The following RNMT variants were observed in gnomAD, a reference collection of about 807,000 sequenced individuals.
The protein encoded by RNMT is mRNA cap guanine-N(7) methyltransferase.
RNMT carries 27 observed loss-of-function variants against 56.0 expected under a neutral mutation model. The ratio of observed to expected loss-of-function variants is 0.48; its 90% CI spans 0.36 to 0.67. The LOEUF (loss-of-function observed/expected upper bound fraction) is 0.67, where lower values mean the gene tolerates loss of function less well. Among genes scored for constraint, RNMT ranks in the 30% least tolerant of loss-of-function variants. The pLI, the probability that RNMT is intolerant of heterozygous loss-of-function variation, is 0.00. For missense variants in RNMT, 519 were observed against 552.1 expected, an observed-to-expected ratio of 0.94 and a Z score of 0.60; for synonymous variants, 184 against 176.2, an observed-to-expected ratio of 1.04 and a Z score of -0.35.
In RNMT at chr18:13,737,001, CTCTT is replaced by C. The variant is rs2044169403; in HGVS notation, c.554-7_554-4del. On this transcript the variant is annotated splice_region_variant and splice_polypyrimidine_tract_variant and intron_variant, in intron 4 of 11. Coordinates refer to ENST00000383314, the MANE Select transcript of RNMT (RefSeq NM_003799.3). ...AGGTAGTTTATTGTGACTGATTTCTCTCTTTTAGGAGAATTTTTGGAAAAGGTAC... is the reference window on the plus strand; with the variant it reads ...AGGTAGTTTATTGTGACTGATTTCTCTTAGGAGAATTTTTGGAAAAGGTAC... The C allele has an allele frequency of 6.2e-7, 1 of 1,609,708 alleles. No homozygotes were observed. Among genetic ancestry groups the C allele is most frequent in the African/African-American group, 1.3e-5 (1 of 74,802 alleles).
Position 13,752,412 on chromosome 18 carries a change from A to G in RNMT, c.1344A>G (p.Gln448=). The change falls in exon 10 of 12, where the codon CAA becomes CAG. Residue 448 remains glutamine, a synonymous_variant. Transcript: ENST00000383314. ...EHAAKYMKNS[Q]VRLPLGTLSK... is the part of the protein sequence containing the mutation. ...CAGCAAAGTACATGAAGAACAGTCAAGTAAGGTTACCTTTGGTAAGTTTTA... is the reference window on the plus strand; with the variant it reads ...CAGCAAAGTACATGAAGAACAGTCAGGTAAGGTTACCTTTGGTAAGTTTTA... 3 of 1,605,572 alleles carry G rather than the reference A, an allele frequency of 1.9e-6. No homozygotes were observed. Among genetic ancestry groups the G allele is most frequent in the Non-Finnish European group, 2.6e-6 (3 of 1,172,526 alleles).
chr18:13,761,014 A>G lies in RNMT; in HGVS notation c.*1035A>G. The G allele has an allele frequency of 1.0e-6, 1 of 985,356 alleles. No homozygotes were observed. Among genetic ancestry groups the G allele is most frequent in the South Asian group, 4.7e-5 (1 of 21,282 alleles). 61.0% of individuals were successfully genotyped at this position (985,356 alleles called of 1,614,324 possible). ...GGAAAACTTACCAGTTTTTAGATGT[A>G]GATGTAGTGAAAAACTTCAAGAATG... On this transcript the variant is annotated 3_prime_UTR_variant, in exon 12 of 12. Transcript: ENST00000383314.
rs753507842 is a variant in RNMT at position 13,741,655 on chromosome 18, A to C, written c.938A>C (p.Tyr313Ser). The C allele has an allele frequency of 1.9e-6, 3 of 1,613,514 alleles. No homozygotes were observed. The highest frequency in any genetic ancestry group is 1.1e-5 in the South Asian group (1 of 90,974). ...TGTGAGAGACTTAGCCCTGGGGGCTATTTTATTGGTACTACTCCCAATAGC... is the reference window on the plus strand; with the variant it reads ...TGTGAGAGACTTAGCCCTGGGGGCTCTTTTATTGGTACTACTCCCAATAGC... ...NACERLSPGG[Y>S]FIGTTPNSFE... Residue 313 changes from tyrosine (Y) to serine (S), a missense_variant, in exon 7 of 12, where the codon TAT (tyrosine) becomes TCT (serine). Transcript: ENST00000383314.
chr18:13,728,550 G>C (rs984175218), intron 1 of RNMT, among the ~76,000 whole-genome samples: 1 of 151,902 alleles, frequency 6.6e-6, no homozygotes, highest in Admixed American at 6.6e-5. Context: ...TGGCCAGGCT[G>C]GTCTAGAACT....
At chr18:13,744,439 G>C (rs2044319023) in intron 8 of RNMT, among the ~76,000 whole-genome samples, 2 of 151,112 alleles carry the variant, frequency 1.3e-5, no homozygotes, top group African/African-American at 2.4e-5. Flanking sequence ...TTTCTAAAGG[G>C]TTATTTTAGA....
At chr18:13,757,514 C>A (rs1168255131) in intron 11 of RNMT, among the ~76,000 whole-genome samples, 1 of 152,178 alleles carries the variant, frequency 6.6e-6, no homozygotes, top group Non-Finnish European at 1.5e-5. Flanking sequence ...TAGATTCTAT[C>A]TCAAGCTCAT....
chr18:13,750,782 C>G (rs1002698199), intron 9 of RNMT, among the ~76,000 whole-genome samples: 4 of 151,390 alleles, frequency 2.6e-5, no homozygotes, highest in African/African-American at 9.7e-5. Flanking sequence ...GCCTGGGAGA[C>G]AGAGCAAGAC....
chr18:13,736,313 A>T (rs1365223331), intron 4 of RNMT, among the ~76,000 whole-genome samples: 1 of 152,188 alleles, frequency 6.6e-6, no homozygotes, highest in Non-Finnish European at 1.5e-5. Flanking sequence ...GTATTGTATC[A>T]AGTTTTAGAA....
In RNMT at chr18:13,760,206, T is replaced by C. The variant is rs997673311; in HGVS notation, c.*227T>C. On this transcript the variant is annotated 3_prime_UTR_variant, in exon 12 of 12. Transcript: ENST00000383314. ...ACCTCTGTCTTTAAAAATCTATTTTTAGGTAATGTTCTAAGAATTCCATTT... is the reference window on the plus strand; with the variant it reads ...ACCTCTGTCTTTAAAAATCTATTTTCAGGTAATGTTCTAAGAATTCCATTT... 1.6e-6 allele frequency: 2 copies of C among 1,243,978 alleles called. No individual in the cohort carries two copies. Among genetic ancestry groups the C allele is most frequent in the African/African-American group, 3.1e-5 (2 of 65,006 alleles). The allele number at this position is 1,243,978 out of a possible 1,614,324, so 77.1% of individuals were successfully genotyped here. A position where few individuals can be genotyped will look rare whatever the true frequency, so the allele number is the denominator to read the frequency against.
chr18:13,754,484 G>T (rs2044509927), intron 11 of RNMT, among the ~76,000 whole-genome samples: 1 of 152,074 alleles, frequency 6.6e-6, no homozygotes, highest in Admixed American at 6.5e-5. Context: ...TCCAGTCTGG[G>T]CAACACAGCG....
intron 8 of RNMT, among the ~76,000 whole-genome samples, chr18:13,744,751 G>A (rs981921711): frequency 1.3e-5 from 2 of 152,046 alleles, no homozygotes; most frequent in African/African-American, 4.8e-5. Context: ...CCCCTCAAAT[G>A]CCACCCTGTA....
intron 6 of RNMT, 39 bp from the exon 7 acceptor site, chr18:13,741,471 A>T (rs1336637288): frequency 6.9e-7 from 1 of 1,447,732 alleles, no homozygotes; most frequent in Non-Finnish European, 9.6e-7. Context: ...TCTTTGTTGT[A>T]GTTACCTCAC....
rs3819131 is a variant in RNMT at position 13,734,905 on chromosome 18, C to G, written c.553+306C>G. Among the ~76,000 whole-genome samples the G allele has an allele frequency of 1.1e-4, 17 of 151,994 alleles. No individual in the cohort carries two copies. In the East Asian group the frequency reaches 2.9e-3, roughly 26 times the overall value. ...GTTAAACATTCAGGTTTCATTAAGT[C>G]AAGAAATAGGCAGTGTCTTGATTTG... is the stretch of plus-strand genomic sequence containing the variant. On this transcript the variant is annotated intron_variant, in intron 4 of 11. Transcript: ENST00000383314.
intron 5 of RNMT, 106 bp downstream of exon 5, chr18:13,737,241 GTT>G: frequency 9.6e-7 from 1 of 1,042,886 alleles, no homozygotes; most frequent in Non-Finnish European, 1.4e-6. Context: ...CATGAGATGG[GTT>G]TTTTTTAAAT....
intron 4 of RNMT, among the ~76,000 whole-genome samples, chr18:13,736,025 T>C (rs1046873067): frequency 6.6e-6 from 1 of 152,230 alleles, no homozygotes; most frequent in Admixed American, 6.5e-5. Flanking sequence ...TAAAGGCTTT[T>C]TTGAAATTGT....
intron 8 of RNMT, 75 bp downstream of exon 8, chr18:13,742,727 T>G: frequency 8.9e-7 from 1 of 1,129,924 alleles, no homozygotes; most frequent in South Asian, 1.5e-5. Flanking sequence ...GCAATATTTA[T>G]TTTACTCTTT....
chr18:13,751,327 C>G (rs986429225), intron 9 of RNMT, among the ~76,000 whole-genome samples: 2 of 152,198 alleles, frequency 1.3e-5, no homozygotes, highest in Non-Finnish European at 2.9e-5. Flanking sequence ...AGACACTTCT[C>G]AAAACACGAC....
intron 6 of RNMT, 147 bp downstream of exon 6, chr18:13,740,426 A>G: frequency 7.0e-6 from 4 of 572,664 alleles, no homozygotes; most frequent in Non-Finnish European, 1.2e-5. Flanking sequence ...CCTAGGCTGG[A>G]GCACAGTGGC....
intron 8 of RNMT, chr18:13,743,211 T>G (rs2044282174): frequency 6.6e-6 from 1 of 151,122 alleles, no homozygotes; most frequent in African/African-American, 2.4e-5. Context: ...TAGTCCCAGC[T>G]ACTCGGGAGG....
Sources: gnomAD v4.1 joint callset for allele counts (sites outside exome capture counted in the v4.1 genomes callset) on GRCh38, gnomAD v4.1.1 for gene constraint, MANE v1.5 for transcripts, NCBI Gene and HGNC (gene_info 2026-07-23, HGNC 2026-07-21) for gene names.